The following ARID5A variants were observed in gnomAD, a reference collection of about 807,000 sequenced individuals.
ARID5A encodes AT-rich interactive domain-containing protein 5A.
In ARID5A, 14 loss-of-function variants were observed where a neutral mutation model predicts 30.5. That is an observed-to-expected ratio of 0.46 (90% confidence interval 0.30 to 0.72). The LOEUF is 0.72. Among genes scored for constraint, ARID5A ranks in the 30% least tolerant of loss-of-function variants. The pLI, the probability that ARID5A is intolerant of heterozygous loss-of-function variation, is 0.07. For synonymous variants in ARID5A, 338 were observed against 340.4 expected, an observed-to-expected ratio of 0.99 and a Z score of 0.08; for missense variants, 669 against 786.2, an observed-to-expected ratio of 0.85 and a Z score of 1.78.
Position 96,552,512 on chromosome 2 carries a change from C to T in ARID5A, c.*199C>T. ...CAAGGCAGCAGCCTGAGCCCAGGAGCAGAGGACCCAGTTGTTATAAGGCGC... is the reference window on the plus strand; with the variant it reads ...CAAGGCAGCAGCCTGAGCCCAGGAGTAGAGGACCCAGTTGTTATAAGGCGC... On this transcript the variant is annotated 3_prime_UTR_variant, in exon 7 of 7. Transcript: ENST00000357485. 3.3e-6 allele frequency: 5 copies of T among 1,533,972 alleles called. No individual in the cohort carries two copies. The highest frequency in any genetic ancestry group is 4.4e-6 in the Non-Finnish European group (5 of 1,145,868).
At chr2:96,541,807 G>C (rs936019657) in intron 1 of ARID5A, among the ~76,000 whole-genome samples, 1 of 152,214 alleles carries the variant, frequency 6.6e-6, no homozygotes, top group African/African-American at 2.4e-5. Context: ...AAACATGTAA[G>C]GCATTGTGCC....
chr2:96,552,051 C>T lies in ARID5A; in HGVS notation c.1523C>T (p.Pro508Leu), dbSNP rs1396746023. Residue 508 changes from proline (P) to leucine (L), a missense_variant, in exon 7 of 7, where the codon CCG becomes CTG. By Grantham distance (98) the Pro-to-Leu change is moderately conservative (BLOSUM62 -3). Transcript: ENST00000357485. ...EAYRGTMLHC[P>L]LNFTGTPGPL... is the part of the protein sequence containing the mutation. ...TACAGGGGCACCATGCTGCACTGCC[C>T]GCTGAACTTCACTGGCACCCCGGGC... The T allele has an allele frequency of 5.1e-6, 8 of 1,570,564 alleles. No homozygotes were observed. Among genetic ancestry groups the T allele is most frequent in the Non-Finnish European group, 6.9e-6 (8 of 1,157,990 alleles).
intron 1 of ARID5A, among the ~76,000 whole-genome samples, chr2:96,542,128 A>G (rs1031979100): frequency 1.3e-5 from 2 of 152,090 alleles, no homozygotes; most frequent in East Asian, 3.9e-4. Context: ...TACAAATATA[A>G]CCCTGATCTG....
chr2:96,542,195 C>G (rs1046930881), intron 1 of ARID5A, among the ~76,000 whole-genome samples: 2 of 152,158 alleles, frequency 1.3e-5, no homozygotes, highest in African/African-American at 4.8e-5. Context: ...AGAGGGCACC[C>G]TGGAGACCAA....
intron 1 of ARID5A, among the ~76,000 whole-genome samples, chr2:96,542,048 C>T (rs1464602252): frequency 1.3e-5 from 2 of 152,232 alleles, no homozygotes; most frequent in East Asian, 1.9e-4. Context: ...TACCTCCCAA[C>T]GCTGGACCTG....
chr2:96,551,942 A>G lies in ARID5A; in HGVS notation c.1414A>G (p.Lys472Glu), dbSNP rs1180601818. 1.3e-6 allele frequency: 2 copies of G among 1,522,150 alleles called. No homozygotes were observed. Among genetic ancestry groups the G allele is most frequent in the Non-Finnish European group, 1.8e-6 (2 of 1,135,344 alleles). 94.3% of individuals were successfully genotyped at this position (1,522,150 alleles called of 1,614,324 possible). Residue 472 changes from lysine to glutamate, a missense_variant, in exon 7 of 7, where the codon AAG (lysine) becomes GAG (glutamate). Physicochemically the swap from Lys to Glu is moderately conservative, Grantham distance 56. Coordinates refer to ENST00000357485, the MANE Select transcript of ARID5A (RefSeq NM_212481.3). ...TCCCTTTCTTAAGGAGGCGGATGCC[A>G]AGAAGTGTGGGGCCAAACCTGCAGG... ...VSPFLKEADA[K>E]KCGAKPAGSG...
Position 96,539,240 on chromosome 2 carries a change from A to T in ARID5A, c.4+2410A>T, listed in dbSNP as rs1044926780. Among the ~76,000 whole-genome samples the T allele has an allele frequency of 6.6e-6, 1 of 152,196 alleles. No individual in the cohort carries two copies. The highest frequency in any genetic ancestry group is 2.4e-5 in the African/African-American group (1 of 41,452). On this transcript the variant is annotated intron_variant, in intron 1 of 6. Transcript: ENST00000357485. This position sits in a 1 kb window ranked among gnomAD's most constrained non-coding sequence, Gnocchi z 4.7. ...AAGGGAGATACAGAACCAGTGACCA[A>T]CTTGGTAAGAGGTGCAGCCATGCAG... is the stretch of plus-strand genomic sequence containing the variant.
chr2:96,538,158 G>A (rs1573178558), intron 1 of ARID5A: 1 of 985,330 alleles, frequency 1.0e-6, no homozygotes, highest in East Asian at 1.1e-4. Context: ...ACAGTTGAGA[G>A]ACGTCAACTG....
rs1218656071 is a variant in ARID5A at position 96,537,941 on chromosome 2, C to G, written c.4+1111C>G. 1.0e-6 allele frequency: 1 copy of G among 985,440 alleles called. No homozygotes were observed. Among genetic ancestry groups the G allele is most frequent in the Non-Finnish European group, 1.2e-6 (1 of 830,036 alleles). 61.0% of individuals were successfully genotyped at this position (985,440 alleles called of 1,614,324 possible). On this transcript the variant is annotated intron_variant, in intron 1 of 6. Coordinates refer to ENST00000357485, the MANE Select transcript of ARID5A (RefSeq NM_212481.3). This position sits in a 1 kb window ranked among gnomAD's most constrained non-coding sequence, Gnocchi z 4.8. ...GGAGGACAACAGGTGCCTCTTGCCC[C>G]ACCCGGGCTCCTCTGGTGGGAGCCC...
chr2:96,540,889 G>A (rs1031633691), intron 1 of ARID5A, among the ~76,000 whole-genome samples: 39 of 151,792 alleles, frequency 2.6e-4, no homozygotes, highest in Admixed American at 4.6e-4. Flanking sequence ...GGGATTATTG[G>A]CGTGTGCCAC....
intron 1 of ARID5A, among the ~76,000 whole-genome samples, chr2:96,541,822 A>C (rs2065850266): frequency 6.6e-6 from 1 of 152,256 alleles, no homozygotes; most frequent in Non-Finnish European, 1.5e-5. Flanking sequence ...TGTGCCAGAA[A>C]AGAATCTGCA....
chr2:96,544,527 C>A (rs773113442), intron 1 of ARID5A, among the ~76,000 whole-genome samples: 1 of 152,174 alleles, frequency 6.6e-6, no homozygotes, highest in Non-Finnish European at 1.5e-5. Flanking sequence ...AATAACAAAG[C>A]CTGGATGACA....
chr2:96,542,796 G>A (rs1001973884), intron 1 of ARID5A, among the ~76,000 whole-genome samples: 10 of 152,156 alleles, frequency 6.6e-5, no homozygotes, highest in Non-Finnish European at 1.0e-4. Flanking sequence ...AGGGTCTGTC[G>A]ATGCTGAGGC....
chr2:96,548,864 G>T (rs2438711), intron 2 of ARID5A, among the ~76,000 whole-genome samples: 5 of 152,230 alleles, frequency 3.3e-5, no homozygotes, highest in Non-Finnish European at 5.9e-5. Flanking sequence ...AGTAACCCCA[G>T]GGCACCAGAA....
Position 96,550,217 on chromosome 2 carries a change from G to A in ARID5A, c.342G>A (p.Val114=). The A allele has an allele frequency of 6.5e-7, 1 of 1,534,502 alleles. No homozygotes were observed. Among genetic ancestry groups the A allele is most frequent in the Non-Finnish European group, 8.8e-7 (1 of 1,142,134 alleles). ...LVTGRRLWKN[V]YDELGGSPGS... ...CCGGGCGCCGCCTCTGGAAGAACGT[G>A]TACGACGAGCTGGGGGGCAGCCCAG... The change falls in exon 5 of 7, where the codon GTG becomes GTA. Residue 114 remains valine (V), a synonymous_variant. Transcript: ENST00000357485. This position sits in a 1 kb window ranked among gnomAD's most constrained non-coding sequence, Gnocchi z 6.6.
chr2:96,549,521 A>G lies in ARID5A; in HGVS notation c.259+62A>G. ...GCAGGGGACCCCGCCCAGGCAGGGC[A>G]TCGGGCAGGCACTCCCACTCTGGGT... On this transcript the variant is annotated intron_variant, in intron 3 of 6. Transcript: ENST00000357485. This position sits in a 1 kb window ranked among gnomAD's most constrained non-coding sequence, Gnocchi z 6.1. 1.1e-5 allele frequency: 18 copies of G among 1,586,824 alleles called. No homozygotes were observed. Among genetic ancestry groups the G allele is most frequent in the Non-Finnish European group, 1.5e-5 (17 of 1,163,694 alleles).
chr2:96,539,172 A>G lies in ARID5A; in HGVS notation c.4+2342A>G. Among the ~76,000 whole-genome samples the G allele has an allele frequency of 6.6e-6, 1 of 152,130 alleles. No homozygotes were observed. The highest frequency in any genetic ancestry group is 1.9e-4 in the East Asian group (1 of 5,190). On this transcript the variant is annotated intron_variant, in intron 1 of 6. Coordinates refer to ENST00000357485, the MANE Select transcript of ARID5A (RefSeq NM_212481.3). The surrounding 1 kb of genome is among the most constrained non-coding windows in gnomAD (Gnocchi z 4.7). ...CTTCTCACTTTTTTCTGCTGAGAAC[A>G]TTGGGCACATTGAGTCTAGCACGCC...
At position 96,552,352 on chromosome 2, in the gene ARID5A, G is replaced by A; in HGVS notation, c.*39G>A. The A allele has an allele frequency of 1.9e-6, 3 of 1,612,610 alleles. No homozygotes were observed. Among genetic ancestry groups the A allele is most frequent in the Non-Finnish European group, 2.5e-6 (3 of 1,179,758 alleles). On this transcript the variant is annotated 3_prime_UTR_variant, in exon 7 of 7. Coordinates refer to ENST00000357485, the MANE Select transcript of ARID5A (RefSeq NM_212481.3). ...GTTGTGTACACTGTGGAGTCGACAG[G>A]GGCCTACAACAGGCAGGTACTGCTG...
chr2:96,544,794 T>TG (rs1166090785), intron 1 of ARID5A, among the ~76,000 whole-genome samples: 1 of 152,234 alleles, frequency 6.6e-6, no homozygotes, highest in African/African-American at 2.4e-5. Flanking sequence ...TTTGTAAGAC[T>TG]GTAGCTGCCA....
Sources: gnomAD v4.1 joint callset for allele counts (sites outside exome capture counted in the v4.1 genomes callset) on GRCh38, gnomAD v4.1.1 for gene constraint, Gnocchi (gnomAD v3.1) non-coding constraint, MANE v1.5 for transcripts, NCBI Gene and HGNC (gene_info 2026-07-23, HGNC 2026-07-21) for gene names.